Variants in TOP1 observed in about 807,000 individuals in gnomAD.
The protein encoded by TOP1 is DNA topoisomerase I, also known as DNA topoisomerase 1.
In TOP1, 10 loss-of-function variants were observed where a neutral mutation model predicts 111.1. The ratio of observed to expected loss-of-function variants is 0.09; its 90% CI spans 0.06 to 0.15. The LOEUF is 0.15. Among genes scored for constraint, TOP1 ranks in the 10% least tolerant of loss-of-function variants. The pLI is 1.00. For synonymous variants in TOP1, 271 were observed against 302.9 expected, an observed-to-expected ratio of 0.89 and a Z score of 1.10; for missense variants, 474 against 926.7, an observed-to-expected ratio of 0.51 and a Z score of 6.34.
chr20:41,101,097 T>TA lies in TOP1; in HGVS notation c.1164-110dup. 1 of 1,189,310 alleles carries TA rather than the reference T, an allele frequency of 8.4e-7. No homozygotes were observed. Among genetic ancestry groups the TA allele is most frequent in the Non-Finnish European group, 1.2e-6 (1 of 823,086 alleles). The allele number at this position is 1,189,310 out of a possible 1,614,324, so 73.7% of individuals were successfully genotyped here. ...AAGGTGGGACTACTGTATTGACTGTTAAGAAGGAAACTTGGAAAATTATGC... is the reference window on the plus strand; with the variant it reads ...AAGGTGGGACTACTGTATTGACTGTTAAAGAAGGAAACTTGGAAAATTATGC... On this transcript the variant is annotated intron_variant, in intron 12 of 20. Transcript: ENST00000361337. This position sits in a 1 kb window ranked among gnomAD's most constrained non-coding sequence, Gnocchi z 4.1.
rs2145931303 is a variant in TOP1 at position 41,069,833 on chromosome 20, G to A, written c.156-6338G>A. ...TTTTTAAGATTTCATGGTGGAGACAGCATTTGAGCTAGCCATTCAAAGATG... is the reference window on the plus strand; with the variant it reads ...TTTTTAAGATTTCATGGTGGAGACAACATTTGAGCTAGCCATTCAAAGATG... On this transcript the variant is annotated intron_variant, in intron 3 of 20. Transcript: ENST00000361337. The surrounding 1 kb of genome is among the most constrained non-coding windows in gnomAD (Gnocchi z 4.1). Among the ~76,000 whole-genome samples the A allele has an allele frequency of 6.6e-6, 1 of 152,268 alleles. No homozygotes were observed. The highest frequency in any genetic ancestry group is 1.5e-5 in the Non-Finnish European group (1 of 68,016).
rs376085417 is a variant in TOP1 at position 41,080,079 on chromosome 20, C to G, written c.336-6C>G. On this transcript the variant is annotated splice_region_variant and splice_polypyrimidine_tract_variant and intron_variant, in intron 5 of 20. Coordinates refer to ENST00000361337, the MANE Select transcript of TOP1 (RefSeq NM_003286.4). The surrounding 1 kb of genome is among the most constrained non-coding windows in gnomAD (Gnocchi z 5.0). The stretch of plus-strand genomic sequence containing the variant: ...CACTCTGACCAGCAATTTTTTTTCT[C>G]TTTAGTCCACCACAAATTAAAGATG... 6.3e-6 allele frequency: 10 copies of G among 1,596,320 alleles called. No individual in the cohort carries two copies. The highest frequency in any genetic ancestry group is 7.7e-6 in the Non-Finnish European group (9 of 1,167,510).
At chr20:41,052,570 C>T (rs1237188040) in intron 2 of TOP1, among the ~76,000 whole-genome samples, 1 of 152,132 alleles carries the variant, frequency 6.6e-6, no homozygotes, top group African/African-American at 2.4e-5. Context: ...ACAGTTGGAT[C>T]AAATTTTGTT....
chr20:41,066,394 G>C (rs1385420002), intron 3 of TOP1, among the ~76,000 whole-genome samples: 2 of 151,918 alleles, frequency 1.3e-5, no homozygotes, highest in African/African-American at 4.8e-5. Context: ...CTTCACAGGG[G>C]AACCATGGGA....
chr20:41,061,583 T>G lies in TOP1; in HGVS notation c.155+93T>G. The G allele has an allele frequency of 9.4e-7, 1 of 1,064,558 alleles. No homozygotes were observed. Among genetic ancestry groups the G allele is most frequent in the East Asian group, 2.6e-5 (1 of 38,454 alleles). The allele number at this position is 1,064,558 out of a possible 1,614,324, so 65.9% of individuals were successfully genotyped here. The stretch of plus-strand genomic sequence containing the variant: ...AATAGGTCTTAACTTGAGCTACATG[T>G]AAAGATAGCAAAGTAAGTAGAAACT... On this transcript the variant is annotated intron_variant, in intron 3 of 20. Coordinates refer to ENST00000361337, the MANE Select transcript of TOP1 (RefSeq NM_003286.4). This position sits in a 1 kb window ranked among gnomAD's most constrained non-coding sequence, Gnocchi z 4.6.
At position 41,100,264 on chromosome 20, in the gene TOP1, A is replaced by G. The variant is rs1467102497; in HGVS notation, c.1163+21A>G. 9 of 1,599,922 alleles carry G rather than the reference A, an allele frequency of 5.6e-6. No homozygotes were observed. The highest frequency in any genetic ancestry group is 1.1e-5 in the South Asian group (1 of 89,996). ...AGCAAGTGAGCTCGCACTTCATCCT[A>G]TGGGCCAAAAAGGGGGTGGAGGGCG... On this transcript the variant is annotated intron_variant, in intron 12 of 20. Transcript: ENST00000361337. This position sits in a 1 kb window ranked among gnomAD's most constrained non-coding sequence, Gnocchi z 4.4.
At chr20:41,068,415 CT>C (rs961979791) in intron 3 of TOP1, among the ~76,000 whole-genome samples, 8 of 151,330 alleles carry the variant, frequency 5.3e-5, no homozygotes, top group South Asian at 2.1e-4. Context: ...GATCCTTTTT[CT>C]TTTTTTTTGG....
chr20:41,115,183 G>A lies in TOP1; in HGVS notation c.1639-188G>A, dbSNP rs1320146190. Among the ~76,000 whole-genome samples, 1 of 151,890 alleles carries A rather than the reference G, an allele frequency of 6.6e-6. No individual in the cohort carries two copies. Among genetic ancestry groups the A allele is most frequent in the African/African-American group, 2.4e-5 (1 of 41,342 alleles). On this transcript the variant is annotated intron_variant, in intron 15 of 20. Coordinates refer to ENST00000361337, the MANE Select transcript of TOP1 (RefSeq NM_003286.4). The surrounding 1 kb of genome is among the most constrained non-coding windows in gnomAD (Gnocchi z 6.3). The stretch of plus-strand genomic sequence containing the variant: ...ATATATATCTGTAAATATACACATG[G>A]AGAGAGTGAGCATACATGCACACTG...
intron 2 of TOP1, among the ~76,000 whole-genome samples, chr20:41,047,400 A>G (rs2033347438): frequency 1.3e-5 from 2 of 152,244 alleles, no homozygotes; most frequent in African/African-American, 4.8e-5. Context: ...ACAGGTTTGT[A>G]GCCTAGGAGC....
chr20:41,108,426 A>G (rs1345429769), intron 13 of TOP1, among the ~76,000 whole-genome samples: 1 of 152,170 alleles, frequency 6.6e-6, no homozygotes. Flanking sequence ...CTTTTTATGT[A>G]TCCTGTCTTT....
At chr20:41,055,821 T>C (rs2033463471) in intron 2 of TOP1, among the ~76,000 whole-genome samples, 1 of 152,206 alleles carries the variant, frequency 6.6e-6, no homozygotes, top group African/African-American at 2.4e-5. Flanking sequence ...CCTCTAACTA[T>C]TTATTTTGCT....
At chr20:41,108,621 C>T (rs2034185501) in intron 13 of TOP1, among the ~76,000 whole-genome samples, 1 of 152,104 alleles carries the variant, frequency 6.6e-6, no homozygotes, top group African/African-American at 2.4e-5. Context: ...TTTGTTTTTG[C>T]TTTTCCCCCC....
rs140214366 is a variant in TOP1, at chr20:41,036,531, C to G, written c.58+7076C>G. 2.5e-3 allele frequency among the ~76,000 whole-genome samples: 374 copies of G among 152,266 alleles called. 3 individuals are homozygous for G. The highest frequency in any genetic ancestry group is 8.8e-3 in the African/African-American group (366 of 41,546). Reference sequence around the variant, plus strand: ...CTCTGTCCTCATTGTAAAATGTAAACTTTGATGAGACAGCCTCTATTCTCA... The same window carrying G: ...CTCTGTCCTCATTGTAAAATGTAAAGTTTGATGAGACAGCCTCTATTCTCA... On this transcript the variant is annotated intron_variant, in intron 2 of 20. Coordinates refer to ENST00000361337, the MANE Select transcript of TOP1 (RefSeq NM_003286.4).
Position 41,079,752 on chromosome 20 carries a change from T to G in TOP1, c.336-333T>G, listed in dbSNP as rs535033267. The stretch of plus-strand genomic sequence containing the variant: ...GGGTCAAATATATGGTAGGTTTCCA[T>G]GTAAGGCAAGAAAACACCTTAGGTT... On this transcript the variant is annotated intron_variant, in intron 5 of 20. Transcript: ENST00000361337. This position sits in a 1 kb window ranked among gnomAD's most constrained non-coding sequence, Gnocchi z 4.0. Among the ~76,000 whole-genome samples, 1 of 152,166 alleles carries G rather than the reference T, an allele frequency of 6.6e-6. No homozygotes were observed. The highest frequency in any genetic ancestry group is 1.5e-5 in the Non-Finnish European group (1 of 68,030).
At chr20:41,070,618 T>C (rs1247188158) in intron 3 of TOP1, among the ~76,000 whole-genome samples, 3 of 152,220 alleles carry the variant, frequency 2.0e-5, no homozygotes, top group Non-Finnish European at 4.4e-5. Context: ...TGAGTTTCCC[T>C]CCTAAACCAA....
In TOP1 at chr20:41,095,558, G is replaced by A. The variant is rs1025946228; in HGVS notation, c.731-1662G>A. ...CTTGGGGGTTGATGGGGGCAGCTGC[G>A]CCACCTGTTGGCCTTTTAAGTTAAT... On this transcript the variant is annotated intron_variant, in intron 9 of 20. Transcript: ENST00000361337. This position sits in a 1 kb window ranked among gnomAD's most constrained non-coding sequence, Gnocchi z 4.6. Among the ~76,000 whole-genome samples the A allele has an allele frequency of 2.6e-5, 4 of 152,202 alleles. No homozygotes were observed. Among genetic ancestry groups the A allele is most frequent in the Admixed American group, 6.5e-5 (1 of 15,290 alleles).
Position 41,109,049 on chromosome 20 carries a change from A to G in TOP1, c.1309-3733A>G, listed in dbSNP as rs549737741. Reference sequence around the variant, plus strand: ...TCGTATTGCGTTTAGTCCTGTTAAAATACTCTCAGTGCCAAATACACACTT... The same window carrying G: ...TCGTATTGCGTTTAGTCCTGTTAAAGTACTCTCAGTGCCAAATACACACTT... On this transcript the variant is annotated intron_variant, in intron 13 of 20. Coordinates refer to ENST00000361337, the MANE Select transcript of TOP1 (RefSeq NM_003286.4). This position sits in a 1 kb window ranked among gnomAD's most constrained non-coding sequence, Gnocchi z 4.1. 5.9e-5 allele frequency among the ~76,000 whole-genome samples: 9 copies of G among 152,362 alleles called. No homozygotes were observed. The highest frequency in any genetic ancestry group is 2.2e-4 in the African/African-American group (9 of 41,588).
In TOP1 at chr20:41,092,450, G is replaced by T. The variant is rs748249930; in HGVS notation, c.615-22G>T. ...GTTAGACAAGGCGATCACTAAATGA[G>T]GCTGTGCTTTGTCTTTTAAAGGTGG... On this transcript the variant is annotated intron_variant, in intron 8 of 20. Coordinates refer to ENST00000361337, the MANE Select transcript of TOP1 (RefSeq NM_003286.4). This position sits in a 1 kb window ranked among gnomAD's most constrained non-coding sequence, Gnocchi z 4.3. The T allele has an allele frequency of 8.0e-7, 1 of 1,245,528 alleles. No individual in the cohort carries two copies. The highest frequency in any genetic ancestry group is 1.4e-5 in the South Asian group (1 of 73,220). The allele number at this position is 1,245,528 out of a possible 1,614,324, so 77.2% of individuals were successfully genotyped here.
Position 41,094,472 on chromosome 20 carries a change from C to G in TOP1, c.730+1885C>G, listed in dbSNP as rs1199201405. 6.6e-6 allele frequency among the ~76,000 whole-genome samples: 1 copy of G among 152,090 alleles called. No individual in the cohort carries two copies. The highest frequency in any genetic ancestry group is 1.5e-5 in the Non-Finnish European group (1 of 68,004). Reference sequence around the variant, plus strand: ...AGTGATGGGAGGGAAAGCTAGATTCCCTAGTCCTGTGGTTTCTCTTCCTTT... The same window carrying G: ...AGTGATGGGAGGGAAAGCTAGATTCGCTAGTCCTGTGGTTTCTCTTCCTTT... On this transcript the variant is annotated intron_variant, in intron 9 of 20. Coordinates refer to ENST00000361337, the MANE Select transcript of TOP1 (RefSeq NM_003286.4). The surrounding 1 kb of genome is among the most constrained non-coding windows in gnomAD (Gnocchi z 4.4).
Sources: gnomAD v4.1 joint callset for allele counts (sites outside exome capture counted in the v4.1 genomes callset) on GRCh38, gnomAD v4.1.1 for gene constraint, Gnocchi (gnomAD v3.1) non-coding constraint, MANE v1.5 for transcripts, NCBI Gene and HGNC (gene_info 2026-07-23, HGNC 2026-07-21) for gene names.